The following NEGR1 variants were observed in gnomAD, a reference collection of about 807,000 sequenced individuals.
The protein encoded by NEGR1 is neuronal growth regulator 1.
Under a neutral mutation model 40.9 loss-of-function variants are expected in NEGR1, and 10 were observed. The ratio of observed to expected loss-of-function variants is 0.24; its 90% confidence interval spans 0.15 to 0.42. The LOEUF (loss-of-function observed/expected upper bound fraction) is 0.42. Among genes scored for constraint, NEGR1 ranks in the 10% least tolerant of loss-of-function variants. The probability of loss-of-function intolerance (pLI) is 1.00; values close to 1 mark genes in which losing one functional copy is unlikely to be tolerated. For missense variants in NEGR1, 352 were observed against 438.9 expected, an observed-to-expected ratio of 0.80 and a Z score of 1.77; for synonymous variants, 185 against 166.8, an observed-to-expected ratio of 1.11 and a Z score of -0.84.
chr1:72,273,144 C>T (rs1655906504), intron 1 of NEGR1, among the ~76,000 whole-genome samples: 1 of 151,942 alleles, frequency 6.6e-6, no homozygotes, highest in African/African-American at 2.4e-5. Context: ...AGTATCAATA[C>T]ACTGTGGTTT....
chr1:71,964,853 T>A (rs995401231), intron 1 of NEGR1, among the ~76,000 whole-genome samples: 6 of 152,018 alleles, frequency 3.9e-5, no homozygotes, highest in African/African-American at 1.2e-4. Context: ...CTAAAGTGTG[T>A]TTAAGGGTTA....
chr1:71,730,424 T>C (rs1008793076), intron 3 of NEGR1, among the ~76,000 whole-genome samples: 4 of 151,640 alleles, frequency 2.6e-5, no homozygotes, highest in African/African-American at 7.3e-5. Context: ...TAAAACTTAA[T>C]AGGACTTCTG....
intron 4 of NEGR1, among the ~76,000 whole-genome samples, chr1:71,612,146 C>T (rs1036928310): frequency 4.6e-5 from 7 of 152,174 alleles, no homozygotes; most frequent in African/African-American, 1.7e-4. Flanking sequence ...GGCGTGAACC[C>T]AGGGGGCAAA....
chr1:71,923,744 A>G (rs1243256455), intron 2 of NEGR1, among the ~76,000 whole-genome samples: 1 of 152,000 alleles, frequency 6.6e-6, no homozygotes, highest in Non-Finnish European at 1.5e-5. Flanking sequence ...TTCCTCTATC[A>G]TTAAATCCAG....
chr1:71,469,553 T>G (rs1468287438), intron 6 of NEGR1, among the ~76,000 whole-genome samples: 2 of 151,986 alleles, frequency 1.3e-5, no homozygotes, highest in Non-Finnish European at 2.9e-5. Context: ...TAGGATTATC[T>G]TGGGGAAAAA....
At chr1:71,632,490 T>C (rs1216031344) in intron 4 of NEGR1, among the ~76,000 whole-genome samples, 1 of 150,966 alleles carries the variant, frequency 6.6e-6, no homozygotes, top group Non-Finnish European at 1.5e-5. Flanking sequence ...ATTGAACTTC[T>C]ATGCTATTAG....
At chr1:71,914,831 T>C (rs1661525035) in intron 2 of NEGR1, among the ~76,000 whole-genome samples, 1 of 152,166 alleles carries the variant, frequency 6.6e-6, no homozygotes, top group African/African-American at 2.4e-5. Context: ...GGAAACAATG[T>C]TGTTTCCCTT....
chr1:72,259,467 T>C (rs1655384070), intron 1 of NEGR1, among the ~76,000 whole-genome samples: 1 of 152,142 alleles, frequency 6.6e-6, no homozygotes, highest in Non-Finnish European at 1.5e-5. Flanking sequence ...AACGACTCTT[T>C]GTGACATCTG....
chr1:71,448,927 G>A (rs919181274), intron 6 of NEGR1, among the ~76,000 whole-genome samples: 2 of 152,176 alleles, frequency 1.3e-5, no homozygotes, highest in African/African-American at 4.8e-5. Flanking sequence ...CTTTCAAGAG[G>A]CTTGTAATAT....
intron 6 of NEGR1, among the ~76,000 whole-genome samples, chr1:71,448,827 C>T (rs1372302360): frequency 6.6e-6 from 1 of 152,048 alleles, no homozygotes; most frequent in Non-Finnish European, 1.5e-5. Context: ...TAGGTCATGT[C>T]AAAAAGAGCT....
At chr1:71,639,007 A>G (rs1651257494) in intron 4 of NEGR1, among the ~76,000 whole-genome samples, 1 of 151,826 alleles carries the variant, frequency 6.6e-6, no homozygotes, top group Admixed American at 6.6e-5. Context: ...ATAAAATAAG[A>G]ATAAAATAAA....
At chr1:72,263,806 A>C (rs919442191) in intron 1 of NEGR1, among the ~76,000 whole-genome samples, 1 of 151,590 alleles carries the variant, frequency 6.6e-6, no homozygotes, top group African/African-American at 2.4e-5. Context: ...AACAAACAAA[A>C]AAAATTAAAA....
chr1:71,953,337 A>G (rs1452150419), intron 1 of NEGR1, among the ~76,000 whole-genome samples: 7 of 150,518 alleles, frequency 4.7e-5, no homozygotes, highest in East Asian at 1.9e-4. Flanking sequence ...TAAGACAACT[A>G]TAACTAGAAG....
At chr1:72,028,954 G>T (rs1423092226) in intron 1 of NEGR1, among the ~76,000 whole-genome samples, 1 of 152,098 alleles carries the variant, frequency 6.6e-6, no homozygotes, top group African/African-American at 2.4e-5. Flanking sequence ...ATACGCAAAA[G>T]AATTGAGCAC....
chr1:72,159,084 A>G (rs1231774239), intron 1 of NEGR1, among the ~76,000 whole-genome samples: 1 of 152,174 alleles, frequency 6.6e-6, no homozygotes, highest in Non-Finnish European at 1.5e-5. Context: ...CTACATATCT[A>G]CTAAAGTTTA....
chr1:72,159,739 G>C (rs1437220738), intron 1 of NEGR1, among the ~76,000 whole-genome samples: 1 of 151,828 alleles, frequency 6.6e-6, no homozygotes, highest in African/African-American at 2.4e-5. Flanking sequence ...GAACTTTTGG[G>C]GGATACGATT....
At chr1:72,077,749 G>T (rs1371919747) in intron 1 of NEGR1, among the ~76,000 whole-genome samples, 1 of 152,156 alleles carries the variant, frequency 6.6e-6, no homozygotes, top group Non-Finnish European at 1.5e-5. Flanking sequence ...GGAGGTTGAG[G>T]CTGCAGTAAG....
chr1:71,773,511 T>C (rs1230796599), intron 3 of NEGR1, among the ~76,000 whole-genome samples: 1 of 152,224 alleles, frequency 6.6e-6, no homozygotes, highest in Non-Finnish European at 1.5e-5. Context: ...ATAATTTTGC[T>C]TTTAAATATA....
intron 3 of NEGR1, among the ~76,000 whole-genome samples, chr1:71,717,761 A>G (rs1570253342): frequency 2.0e-5 from 3 of 152,310 alleles, no homozygotes; most frequent in Admixed American, 2.0e-4. Flanking sequence ...GGTCCTTAAA[A>G]AGGTAATTAA....
Sources: gnomAD v4.1 joint callset for allele counts (sites outside exome capture counted in the v4.1 genomes callset) on GRCh38, gnomAD v4.1.1 for gene constraint, MANE v1.5 for transcripts, NCBI Gene and HGNC (gene_info 2026-07-23, HGNC 2026-07-21) for gene names.